The following NRXN1 variants were observed in gnomAD, a reference collection of about 807,000 sequenced individuals.
NRXN1 encodes the protein neurexin 1, also known as neurexin-1.
A neutral mutation model predicts 150.9 loss-of-function variants in NRXN1; 39 were observed. The observed-to-expected ratio is 0.26, with a 90% CI of 0.20 to 0.34. The LOEUF is 0.34. NRXN1 is among the 10% of genes least tolerant of loss of function. The pLI, the probability that NRXN1 is intolerant of heterozygous loss-of-function variation, is 1.00. For missense variants in NRXN1, 1,815 were observed against 1,949.9 expected (o/e 0.93, Z 1.30); for synonymous variants, 924 against 757.0 (o/e 1.22, Z -3.62).
chr2:50,183,680 A>G (rs1257509062), intron 18 of NRXN1, among the ~76,000 whole-genome samples: 1 of 149,768 alleles, frequency 6.7e-6, no homozygotes, highest in African/African-American at 2.5e-5. Context: ...TACTATTGGC[A>G]TCTAGTGTGC....
At chr2:50,657,598 T>C (rs1032581192) in intron 5 of NRXN1, among the ~76,000 whole-genome samples, 12 of 152,004 alleles carry the variant, frequency 7.9e-5, no homozygotes, top group African/African-American at 1.9e-4. Context: ...AGGAGTGAAG[T>C]TGTCAAGTCC....
Position 50,915,859 on chromosome 2 carries a change from T to G in NRXN1, c.832+6010A>C, listed in dbSNP as rs185228423. Among the ~76,000 whole-genome samples, 218 of 150,914 alleles carry G rather than the reference T, an allele frequency of 1.4e-3. 3 individuals are homozygous for G. The highest frequency in any genetic ancestry group is 5.0e-3 in the African/African-American group (207 of 41,252). The stretch of plus-strand genomic sequence containing the variant: ...TAACATTAGCCTCAGTAATTGAGTA[T>G]TTTTATTAATCCATATTACAGATCA... On this transcript the variant is annotated intron_variant, in intron 5 of 22. Coordinates refer to ENST00000401669, the MANE Select transcript of NRXN1 (RefSeq NM_001330078.2).
intron 12 of NRXN1, among the ~76,000 whole-genome samples, chr2:50,513,908 C>A (rs1219211018): frequency 6.6e-6 from 1 of 151,966 alleles, no homozygotes; most frequent in Non-Finnish European, 1.5e-5. Context: ...CTCTACACAC[C>A]CTTTAGGTAG....
chr2:50,441,488 T>A (rs888421330), intron 17 of NRXN1, among the ~76,000 whole-genome samples: 1 of 152,178 alleles, frequency 6.6e-6, no homozygotes. Flanking sequence ...AAATTCACCC[T>A]ATAATTTTAA....
intron 2 of NRXN1, chr2:50,979,354 T>C (rs1293322004): frequency 1.7e-5 from 8 of 470,690 alleles, no homozygotes; most frequent in African/African-American, 8.0e-5. Context: ...AGTATCCTCC[T>C]TGTTTAACAA....
intron 17 of NRXN1, among the ~76,000 whole-genome samples, chr2:50,315,938 A>G (rs576417284): frequency 1.3e-3 from 204 of 152,188 alleles, no homozygotes; most frequent in African/African-American, 4.6e-3. Context: ...CGGGAATTCA[A>G]TCAGGAGGAT....
chr2:50,497,130 G>A (rs1315365192), intron 14 of NRXN1, among the ~76,000 whole-genome samples: 2 of 152,112 alleles, frequency 1.3e-5, no homozygotes, highest in African/African-American at 4.8e-5. Context: ...ATGTGAAAAT[G>A]TAGGTGCAAA....
chr2:50,444,119 T>C (rs1572992987), intron 17 of NRXN1, among the ~76,000 whole-genome samples: 1 of 152,292 alleles, frequency 6.6e-6, no homozygotes, highest in East Asian at 1.9e-4. Flanking sequence ...TTCCGTCCAA[T>C]GACAGCACAA....
chr2:50,481,109 C>T (rs576659284), intron 15 of NRXN1, among the ~76,000 whole-genome samples: 2 of 152,168 alleles, frequency 1.3e-5, no homozygotes, highest in African/African-American at 4.8e-5. Context: ...CAGAACAGGG[C>T]AGGGTCTTAT....
chr2:50,650,283 C>T (rs1685420359), intron 5 of NRXN1, among the ~76,000 whole-genome samples: 1 of 152,024 alleles, frequency 6.6e-6, no homozygotes, highest in Admixed American at 6.6e-5. Context: ...CATGATAAAA[C>T]ATGATTTCAG....
At chr2:50,320,714 G>T (rs1215658058) in intron 17 of NRXN1, among the ~76,000 whole-genome samples, 1 of 152,074 alleles carries the variant, frequency 6.6e-6, no homozygotes, top group African/African-American at 2.4e-5. Flanking sequence ...GCTCAAGCAT[G>T]TGAAGATAAG....
chr2:50,243,355 C>T (rs955027805), intron 17 of NRXN1, among the ~76,000 whole-genome samples: 1 of 151,554 alleles, frequency 6.6e-6, no homozygotes, highest in Non-Finnish European at 1.5e-5. Flanking sequence ...GGAAGTTTGT[C>T]ATATATAGCA....
intron 21 of NRXN1, among the ~76,000 whole-genome samples, chr2:50,008,331 T>C (rs1685099888): frequency 6.6e-6 from 1 of 152,130 alleles, no homozygotes; most frequent in African/African-American, 2.4e-5. Flanking sequence ...TATATCCTCT[T>C]GGAGGTAGTT....
intron 5 of NRXN1, among the ~76,000 whole-genome samples, chr2:50,852,928 T>C (rs1317673038): frequency 6.6e-6 from 1 of 152,198 alleles, no homozygotes; most frequent in Non-Finnish European, 1.5e-5. Flanking sequence ...CATGAAAGGC[T>C]TTGTAAAATA....
At chr2:50,057,403 G>A (rs1693822909) in intron 19 of NRXN1, among the ~76,000 whole-genome samples, 1 of 151,954 alleles carries the variant, frequency 6.6e-6, no homozygotes, top group African/African-American at 2.4e-5. Flanking sequence ...AATCTTCTTG[G>A]TAGGAACATT....
intron 5 of NRXN1, among the ~76,000 whole-genome samples, chr2:50,920,448 C>A (rs1011408188): frequency 1.3e-5 from 2 of 151,584 alleles, no homozygotes; most frequent in Admixed American, 6.6e-5. Context: ...CACAAAATAA[C>A]AAATATACGA....
chr2:50,390,311 T>A (rs6735773), intron 17 of NRXN1, among the ~76,000 whole-genome samples: 5 of 152,160 alleles, frequency 3.3e-5, no homozygotes, highest in African/African-American at 1.2e-4. Context: ...CTTTTTTTAA[T>A]TCCATGAATC....
chr2:50,685,370 TG>T (rs1691068466), intron 5 of NRXN1, among the ~76,000 whole-genome samples: 2 of 152,172 alleles, frequency 1.3e-5, no homozygotes, highest in Non-Finnish European at 2.9e-5. Flanking sequence ...ACTAGTTTCC[TG>T]ATCTGACCTT....
At chr2:50,648,822 T>C (rs566757663) in intron 5 of NRXN1, among the ~76,000 whole-genome samples, 1 of 150,126 alleles carries the variant, frequency 6.7e-6, no homozygotes, top group Non-Finnish European at 1.5e-5. Flanking sequence ...AAGGACTTGC[T>C]TAAACTATCA....
Sources: gnomAD v4.1 joint callset for allele counts (sites outside exome capture counted in the v4.1 genomes callset) on GRCh38, gnomAD v4.1.1 for gene constraint, MANE v1.5 for transcripts, NCBI Gene and HGNC (gene_info 2026-07-23, HGNC 2026-07-21) for gene names.